The following TJP2 variants were observed in gnomAD, a reference collection of about 807,000 sequenced individuals.
TJP2 encodes Friedreich ataxia region gene X104 (tight junction protein ZO-2).
In TJP2, 91 loss-of-function variants were observed where a neutral mutation model predicts 133.1. The ratio of observed to expected loss-of-function variants is 0.68; its 90% CI spans 0.58 to 0.81. The LOEUF is 0.81. TJP2 is among the 40% of genes least tolerant of loss of function. The pLI, the probability that TJP2 is intolerant of heterozygous loss-of-function variation, is 0.00. For synonymous variants in TJP2, 592 were observed against 583.4 expected (o/e 1.01, Z -0.21); for missense variants, 1,541 against 1,565.6 (o/e 0.98, Z 0.26).
upstream of TJP2, among the ~76,000 whole-genome samples, chr9:69,169,463 A>T (rs567148279): frequency 2.0e-5 from 3 of 149,862 alleles, no homozygotes; most frequent in East Asian, 5.9e-4. Context: ...AGTTCAAGTG[A>T]TTCTCCTGCC....
At chr9:69,164,230 C>G (rs1411617568) in intron 2 of TJP2, among the ~76,000 whole-genome samples, 1 of 152,096 alleles carries the variant, frequency 6.6e-6, no homozygotes, top group Non-Finnish European at 1.5e-5. Context: ...TCCGAAAATT[C>G]TTTGTGAATC....
chr9:69,236,915 C>T (rs754557719), intron 13 of TJP2, 34 bp from the exon 14 acceptor site: 2 of 1,611,576 alleles, frequency 1.2e-6, no homozygotes, highest in South Asian at 1.1e-5. Flanking sequence ...CGTTTTCTGG[C>T]TTTAGAGATT....
chr9:69,232,361 A>G (rs1829852448), intron 11 of TJP2, among the ~76,000 whole-genome samples: 1 of 152,164 alleles, frequency 6.6e-6, no homozygotes, highest in Admixed American at 6.5e-5. Flanking sequence ...CTGATACAGG[A>G]TCCTCTTCAG....
At chr9:69,204,918 G>C in intron 1 of TJP2, 1 of 1,244,404 alleles carries the variant, frequency 8.0e-7, no homozygotes, top group South Asian at 3.1e-5. Context: ...GGAGAGAGAG[G>C]GAGAGAAAGA....
In TJP2 at chr9:69,248,023, G is replaced by A; in HGVS notation, c.2679G>A (p.Met893Ile). 1 of 1,606,404 alleles carries A rather than the reference G, an allele frequency of 6.2e-7. No homozygotes were observed. The highest frequency in any genetic ancestry group is 2.2e-5 in the East Asian group (1 of 44,726). Residue 893 changes from methionine to isoleucine, a missense_variant, in exon 19 of 23, where the codon ATG (methionine) becomes ATA (isoleucine). Coordinates refer to ENST00000377245, the MANE Select transcript of TJP2 (RefSeq NM_004817.4). ...VWVSEGKMEG[M>I]DDDPEDRMSY... Reference sequence around the variant, plus strand: ...ACAAATTCCTCTAGATGGAAGGGATGGATGATGACCCCGAAGACCGCATGT... The same window carrying A: ...ACAAATTCCTCTAGATGGAAGGGATAGATGATGACCCCGAAGACCGCATGT...
intron 2 of TJP2, among the ~76,000 whole-genome samples, chr9:69,167,061 C>T (rs550805124): frequency 1.1e-4 from 17 of 151,652 alleles, no homozygotes; most frequent in Admixed American, 3.3e-4. Context: ...GGTGAAACCC[C>T]GTCTCTACGA....
At chr9:69,207,194 C>T (rs34052332) in intron 1 of TJP2, among the ~76,000 whole-genome samples, 2,459 of 152,258 alleles carry the variant, frequency 0.016, 25 homozygotes, top group Non-Finnish European at 0.024. Flanking sequence ...TAGTGAAAAA[C>T]GCATACCAAA....
At chr9:69,220,132 T>C (rs1353622107) in intron 4 of TJP2, among the ~76,000 whole-genome samples, 8 of 152,178 alleles carry the variant, frequency 5.3e-5, no homozygotes, top group Non-Finnish European at 1.2e-4. Flanking sequence ...AGAGCGAGAC[T>C]TTGTCTTAAT....
rs765135354 is a variant in TJP2 at position 69,225,329 on chromosome 9, GATCTTCGTA to G, written c.980_988del (p.Ile327_Val329del). On this transcript the variant is annotated inframe_deletion, in exon 6 of 23. Transcript: ENST00000377245. ...AGTATGGTCTCCGGCTTGGGAGTCA[GATCTTCGTA>G]AAGGAAATGACCCGAACGGGTCTGG... The G allele has an allele frequency of 6.2e-7, 1 of 1,613,750 alleles. No homozygotes were observed. Among genetic ancestry groups the G allele is most frequent in the Admixed American group, 1.7e-5 (1 of 59,994 alleles).
At chr9:69,191,636 T>C (rs927607132) in intron 1 of TJP2, among the ~76,000 whole-genome samples, 1 of 152,182 alleles carries the variant, frequency 6.6e-6, no homozygotes, top group African/African-American at 2.4e-5. Context: ...ACAAACATCA[T>C]TTTGAGGGTG....
intron 1 of TJP2, among the ~76,000 whole-genome samples, chr9:69,203,892 C>T (rs994784573): frequency 7.9e-5 from 12 of 152,066 alleles, no homozygotes; most frequent in South Asian, 4.1e-4. Context: ...GGATTACAGG[C>T]GTGAGTGACT....
chr9:69,130,484 C>T (rs998611896), intron 1 of TJP2, among the ~76,000 whole-genome samples: 6 of 151,970 alleles, frequency 3.9e-5, no homozygotes, highest in South Asian at 4.2e-4. Context: ...TTTCTGATTG[C>T]GTAGATCTGG....
rs28556975 is a variant in TJP2 at position 69,248,154 on chromosome 9, T to C, written c.2810T>C (p.Leu937Pro). Residue 937 changes from leucine to proline, a missense_variant, in exon 19 of 23, where the codon CTG becomes CCG. Transcript: ENST00000377245. ...GGAGGCGCCTACACTGACAATGAGC[T>C]GGATGAGCCAGCCGAGGAGCCGCTG... Reference protein sequence around the residue: ...GEGGAYTDNELDEPAEEPLVS... With the variant: ...GEGGAYTDNEPDEPAEEPLVS... The C allele has an allele frequency of 1.5e-3, 2,425 of 1,613,820 alleles. 45 individuals are homozygous for C. The African/African-American group carries it at 0.029, about 19-fold the overall frequency.
rs1479285415 is a variant in TJP2 at position 69,238,693 on chromosome 9, T to C, written c.2276-17T>C. 6 of 1,609,392 alleles carry C rather than the reference T, an allele frequency of 3.7e-6. No homozygotes were observed. In the East Asian group the frequency reaches 1.3e-4, roughly 36 times the overall value. Reference sequence around the variant, plus strand: ...TTTTCTAAACAATTATTTAGCTTCCTGTTTTTGCTTTTGCAGAAACGGAAC... The same window carrying C: ...TTTTCTAAACAATTATTTAGCTTCCCGTTTTTGCTTTTGCAGAAACGGAAC... On this transcript the variant is annotated splice_polypyrimidine_tract_variant and intron_variant, in intron 15 of 22. Coordinates refer to ENST00000377245, the MANE Select transcript of TJP2 (RefSeq NM_004817.4).
In TJP2 at chr9:69,252,847, T is replaced by C. The variant is rs1190456623; in HGVS notation, c.3354T>C (p.Tyr1118=). 10 of 1,614,168 alleles carry C rather than the reference T, an allele frequency of 6.2e-6. No individual in the cohort carries two copies. The highest frequency in any genetic ancestry group is 1.7e-5 in the Admixed American group (1 of 60,028). Residue 1118 remains tyrosine (Y), a synonymous_variant, in exon 22 of 23, where the codon TAT becomes TAC. Coordinates refer to ENST00000377245, the MANE Select transcript of TJP2 (RefSeq NM_004817.4). ...IEIAQKHPDI[Y]AVPIKTHKPD... ...TTGCCCAGAAGCATCCTGATATCTA[T>C]GCAGTTCCAATCAAAACGCACAAGC...
chr9:69,146,424 G>A (rs1311372887), intron 1 of TJP2, among the ~76,000 whole-genome samples: 2 of 152,138 alleles, frequency 1.3e-5, no homozygotes, highest in East Asian at 1.9e-4. Context: ...TATGGTAGAC[G>A]ATATTTTTAG....
intron 1 of TJP2, among the ~76,000 whole-genome samples, chr9:69,127,519 G>T (rs1822324487): frequency 1.4e-5 from 1 of 73,486 alleles, no homozygotes; most frequent in East Asian, 4.1e-4. Flanking sequence ...ATGCCACTGG[G>T]CTCTAGCCTG....
At chr9:69,229,032 T>C in intron 9 of TJP2, 152 bp from the exon 10 acceptor site, 1 of 736,370 alleles carries the variant, frequency 1.4e-6, no homozygotes, top group Non-Finnish European at 2.4e-6. Context: ...TGCTAATACT[T>C]CAGAGTTAAA....
intron 19 of TJP2, 102 bp downstream of exon 19, chr9:69,248,326 A>G (rs2133468805): frequency 6.8e-7 from 1 of 1,480,962 alleles, no homozygotes. Context: ...GGCATTCCTA[A>G]GGGTTGGAGC....
Sources: gnomAD v4.1 joint callset for allele counts (sites outside exome capture counted in the v4.1 genomes callset) on GRCh38, gnomAD v4.1.1 for gene constraint, MANE v1.5 for transcripts, NCBI Gene and HGNC (gene_info 2026-07-23, HGNC 2026-07-21) for gene names.